RSU1: variants seen among roughly 807,000 people sequenced by gnomAD.
RSU1 encodes Ras suppressor protein 1, also known as rsu-1.
In RSU1, 26 loss-of-function variants were observed where a neutral mutation model predicts 31.1. The ratio of observed to expected loss-of-function variants is 0.84; its 90% CI spans 0.61 to 1.16. The LOEUF (loss-of-function observed/expected upper bound fraction) is 1.16, where lower values mean the gene tolerates loss of function less well. Among genes scored for constraint, RSU1 ranks in the 50% most tolerant of loss-of-function variants. RSU1 has a pLI of 0.00. For synonymous variants in RSU1, 164 were observed against 136.3 expected (o/e 1.20, Z -1.41); for missense variants, 320 against 339.1 (o/e 0.94, Z 0.44).
chr10:16,767,105 G>C lies in RSU1; in HGVS notation c.161-2595C>G, dbSNP rs369736118. On this transcript the variant is annotated intron_variant, in intron 3 of 8. Transcript: ENST00000345264. ...TCATCTTCTCCCCCCAGATCATAAA[G>C]TATATACATTACAGCTGCCCACAGA... The C allele has an allele frequency of 2.0e-5, 3 of 151,608 alleles. No homozygotes were observed. The East Asian group carries it at 5.8e-4, about 29-fold the overall frequency. The allele number at this position is 151,608 out of a possible 1,614,324, so 9.4% of individuals were successfully genotyped here.
chr10:16,781,137 A>G (rs1168631911), intron 3 of RSU1, among the ~76,000 whole-genome samples: 2 of 152,188 alleles, frequency 1.3e-5, no homozygotes, highest in Admixed American at 1.3e-4. Flanking sequence ...TTCTTGCCAC[A>G]TGATTAGAAA....
intron 3 of RSU1, among the ~76,000 whole-genome samples, chr10:16,772,114 A>C (rs1241859107): frequency 1.3e-5 from 2 of 152,234 alleles, no homozygotes; most frequent in Admixed American, 1.3e-4. Flanking sequence ...AACTCACCGC[A>C]AAACAATGGC....
intron 8 of RSU1, among the ~76,000 whole-genome samples, chr10:16,625,010 T>C (rs1337059056): frequency 2.0e-5 from 3 of 152,216 alleles, no homozygotes; most frequent in Admixed American, 1.3e-4. Flanking sequence ...TTCATTAGTA[T>C]TTAAGTGATG....
intron 8 of RSU1, among the ~76,000 whole-genome samples, chr10:16,660,364 T>C (rs1228456108): frequency 6.6e-6 from 1 of 152,124 alleles, no homozygotes; most frequent in Non-Finnish European, 1.5e-5. Context: ...ATAAAGTCCT[T>C]TGTGTTTGAC....
chr10:16,700,411 G>T (rs575833408), intron 7 of RSU1, among the ~76,000 whole-genome samples: 2 of 152,118 alleles, frequency 1.3e-5, no homozygotes, highest in African/African-American at 4.8e-5. Context: ...CCAAGCAATT[G>T]ATTTGCTCAG....
chr10:16,757,700 A>C (rs1261514537), intron 4 of RSU1, among the ~76,000 whole-genome samples: 1 of 152,214 alleles, frequency 6.6e-6, no homozygotes, highest in African/African-American at 2.4e-5. Context: ...ATGTGTCTGG[A>C]AACACCCCAT....
chr10:16,744,073 T>A (rs1836801324), intron 7 of RSU1, among the ~76,000 whole-genome samples: 1 of 150,046 alleles, frequency 6.7e-6, no homozygotes, highest in Admixed American at 6.7e-5. Flanking sequence ...AAGGTTGTAG[T>A]GAGCCATGAT....
At chr10:16,802,172 A>C (rs895846155) in intron 2 of RSU1, among the ~76,000 whole-genome samples, 12 of 150,092 alleles carry the variant, frequency 8.0e-5, no homozygotes, top group African/African-American at 2.5e-4. Context: ...TAAAACTGGT[A>C]ATCCTGTAGG....
At chr10:16,760,456 C>T (rs1014158727) in intron 4 of RSU1, among the ~76,000 whole-genome samples, 1 of 150,988 alleles carries the variant, frequency 6.6e-6, no homozygotes, top group African/African-American at 2.4e-5. Flanking sequence ...TTGCAGTGAG[C>T]CGAGATCATG....
At chr10:16,633,449 C>G (rs1834288226) in intron 8 of RSU1, among the ~76,000 whole-genome samples, 1 of 152,056 alleles carries the variant, frequency 6.6e-6, no homozygotes, top group South Asian at 2.1e-4. Context: ...CCCATCCCCA[C>G]CTGGGGAGAG....
At chr10:16,723,879 T>G (rs1282489282) in intron 7 of RSU1, among the ~76,000 whole-genome samples, 1 of 152,214 alleles carries the variant, frequency 6.6e-6, no homozygotes, top group Admixed American at 6.5e-5. Flanking sequence ...TTAGTAATCC[T>G]CACATTATCA....
intron 8 of RSU1, among the ~76,000 whole-genome samples, chr10:16,615,163 G>C (rs963615842): frequency 1.3e-5 from 2 of 151,686 alleles, no homozygotes; most frequent in African/African-American, 4.8e-5. Flanking sequence ...ACAAACAAAG[G>C]CTCAAAATAA....
chr10:16,810,779 C>T lies in RSU1; in HGVS notation c.109+6194G>A, dbSNP rs565904475. ...ATGTTTCACTCAACAATGAACCACC[C>T]GGGAGGCTGGGGCAGGCAGATCGCT... On this transcript the variant is annotated intron_variant, in intron 2 of 8. Coordinates refer to ENST00000345264, the MANE Select transcript of RSU1 (RefSeq NM_012425.4). Among the ~76,000 whole-genome samples the T allele has an allele frequency of 3.9e-5, 6 of 152,290 alleles. No individual in the cohort carries two copies. In the South Asian group the frequency reaches 8.3e-4, roughly 21 times the overall value.
chr10:16,781,892 T>C, intron 3 of RSU1, 142 bp downstream of exon 3: 1 of 676,826 alleles, frequency 1.5e-6, no homozygotes, highest in Non-Finnish European at 2.6e-6. Context: ...AATATTCTCA[T>C]CTTAGTGTCA....
intron 8 of RSU1, among the ~76,000 whole-genome samples, chr10:16,622,303 A>G (rs1248534050): frequency 6.6e-6 from 1 of 152,228 alleles, no homozygotes; most frequent in Admixed American, 6.5e-5. Context: ...ATGAAAAACA[A>G]AAGCATAGAT....
intron 8 of RSU1, among the ~76,000 whole-genome samples, chr10:16,599,454 C>A (rs1833678984): frequency 6.6e-6 from 1 of 152,154 alleles, no homozygotes; most frequent in South Asian, 2.1e-4. Context: ...CCTACAGGAG[C>A]CCACCACATC....
intron 2 of RSU1, among the ~76,000 whole-genome samples, chr10:16,793,550 A>C (rs1321203918): frequency 6.6e-6 from 1 of 152,180 alleles, no homozygotes; most frequent in African/African-American, 2.4e-5. Context: ...GTCCAAACAC[A>C]CAGTTTTTGC....
chr10:16,802,374 G>A (rs1462082746), intron 2 of RSU1, among the ~76,000 whole-genome samples: 1 of 151,924 alleles, frequency 6.6e-6, no homozygotes, highest in Non-Finnish European at 1.5e-5. Flanking sequence ...AATTCACACA[G>A]GAAGAAACAG....
chr10:16,782,454 G>T (rs1463900344), intron 2 of RSU1, among the ~76,000 whole-genome samples: 1 of 152,142 alleles, frequency 6.6e-6, no homozygotes, highest in Non-Finnish European at 1.5e-5. Context: ...AGGTGCACAG[G>T]GGCCTTACCT....
Sources: gnomAD v4.1 joint callset for allele counts (sites outside exome capture counted in the v4.1 genomes callset) on GRCh38, gnomAD v4.1.1 for gene constraint, MANE v1.5 for transcripts, NCBI Gene and HGNC (gene_info 2026-07-23, HGNC 2026-07-21) for gene names.